Variants in TRAK1 observed in about 807,000 individuals in gnomAD.
The protein encoded by TRAK1 is trafficking kinesin protein 1, also known as trafficking kinesin-binding protein 1.
Under a neutral mutation model 92.1 loss-of-function variants are expected in TRAK1, and 33 were observed. The observed-to-expected ratio is 0.36, with a 90% CI of 0.27 to 0.48. TRAK1 has a LOEUF of 0.48. TRAK1 is among the 20% of genes least tolerant of loss of function. The probability of loss-of-function intolerance (pLI) is 0.99; values close to 1 mark genes in which losing one functional copy is unlikely to be tolerated. For synonymous variants in TRAK1, 521 were observed against 517.3 expected (o/e 1.01, Z -0.10); for missense variants, 1,123 against 1,257.9 (o/e 0.89, Z 1.62).
intron 1 of TRAK1, among the ~76,000 whole-genome samples, chr3:42,069,261 C>T (rs145565926): frequency 1.4e-3 from 203 of 149,546 alleles, no homozygotes; most frequent in African/African-American, 4.8e-3. Context: ...GTCAAGGCTG[C>T]AGTGAGACTT....
At chr3:42,119,165 A>G (rs1366671446) in intron 1 of TRAK1, among the ~76,000 whole-genome samples, 1 of 152,240 alleles carries the variant, frequency 6.6e-6, no homozygotes, top group East Asian at 1.9e-4. Flanking sequence ...CACAATTAGT[A>G]GGGAAGAGCC....
chr3:42,212,121 AG>A (rs1709116582), intron 14 of TRAK1: 1 of 985,460 alleles, frequency 1.0e-6, no homozygotes, highest in African/African-American at 1.7e-5. Flanking sequence ...CATATCGCTA[AG>A]TAAATCATCC....
intron 1 of TRAK1, among the ~76,000 whole-genome samples, chr3:42,016,987 C>T (rs1305530069): frequency 2.0e-5 from 3 of 152,260 alleles, no homozygotes; most frequent in Non-Finnish European, 1.5e-5. Context: ...CCACTGGCTG[C>T]GGTGGCTCAC....
chr3:42,052,196 A>T (rs1358125354), intron 1 of TRAK1, among the ~76,000 whole-genome samples: 1 of 152,196 alleles, frequency 6.6e-6, no homozygotes, highest in Non-Finnish European at 1.5e-5. Context: ...TATCTTAGGG[A>T]TTATGTGGCT....
At chr3:42,026,535 T>C (rs1701924790) in intron 1 of TRAK1, among the ~76,000 whole-genome samples, 1 of 151,424 alleles carries the variant, frequency 6.6e-6, no homozygotes, top group Non-Finnish European at 1.5e-5. Context: ...TTTTTTTTTT[T>C]TTTTTTTGAG....
chr3:42,156,613 A>G (rs1252173577), intron 2 of TRAK1, among the ~76,000 whole-genome samples: 1 of 152,264 alleles, frequency 6.6e-6, no homozygotes, highest in Non-Finnish European at 1.5e-5. Flanking sequence ...AGTTATTACA[A>G]TAAAAAGCCA....
intron 1 of TRAK1, among the ~76,000 whole-genome samples, chr3:42,115,990 C>T (rs1027651425): frequency 6.6e-6 from 1 of 152,374 alleles, no homozygotes; most frequent in African/African-American, 2.4e-5. Context: ...TCCCAATCCT[C>T]ATCCTGCACT....
At chr3:42,048,395 T>G (rs1322627328) in intron 1 of TRAK1, among the ~76,000 whole-genome samples, 1 of 152,188 alleles carries the variant, frequency 6.6e-6, no homozygotes, top group Non-Finnish European at 1.5e-5. Flanking sequence ...TCCATGTATG[T>G]GGTTTTAAAA....
chr3:42,187,007 C>A (rs114002713), intron 4 of TRAK1, among the ~76,000 whole-genome samples: 9 of 152,344 alleles, frequency 5.9e-5, no homozygotes, highest in African/African-American at 1.9e-4. Flanking sequence ...TTCTTCAGTA[C>A]TGCAGAGTGA....
intron 10 of TRAK1, among the ~76,000 whole-genome samples, chr3:42,196,971 C>G (rs886932185): frequency 1.6e-5 from 2 of 128,538 alleles, no homozygotes; most frequent in East Asian, 2.1e-4. Context: ...CTCTCTCTCT[C>G]TCTCTTTCTC....
At chr3:42,109,511 G>T (rs1171653829) in intron 1 of TRAK1, among the ~76,000 whole-genome samples, 2 of 152,210 alleles carry the variant, frequency 1.3e-5, no homozygotes, top group Non-Finnish European at 2.9e-5. Context: ...CTTGAGATGG[G>T]AAAGTCCATC....
intron 1 of TRAK1, among the ~76,000 whole-genome samples, chr3:42,113,914 A>G (rs912131656): frequency 6.6e-6 from 1 of 152,172 alleles, no homozygotes; most frequent in South Asian, 2.1e-4. Context: ...ATGTGCACCC[A>G]TAACCGTTTA....
intron 1 of TRAK1, among the ~76,000 whole-genome samples, chr3:42,041,706 A>G (rs1056142897): frequency 2.0e-5 from 3 of 150,584 alleles, no homozygotes; most frequent in Non-Finnish European, 4.4e-5. Context: ...TGAATCTTTC[A>G]CTGTTAAGTT....
intron 2 of TRAK1, among the ~76,000 whole-genome samples, chr3:42,140,841 G>A (rs1306763590): frequency 1.3e-5 from 2 of 152,204 alleles, no homozygotes; most frequent in Non-Finnish European, 2.9e-5. Context: ...GCATACAGGT[G>A]CCCTGACTAA....
upstream of TRAK1, chr3:42,086,956 A>G (rs985218043): frequency 2.6e-5 from 4 of 152,208 alleles, no homozygotes; most frequent in African/African-American, 7.2e-5. Flanking sequence ...AAACTAAGCA[A>G]TGTGATTGGA....
intron 1 of TRAK1, among the ~76,000 whole-genome samples, chr3:42,027,535 A>G (rs1487926348): frequency 1.3e-5 from 2 of 152,058 alleles, no homozygotes; most frequent in African/African-American, 2.4e-5. Flanking sequence ...AAAAAAAAAA[A>G]GTAAAGCTTT....
chr3:42,200,249 A>G (rs947951792), intron 11 of TRAK1, among the ~76,000 whole-genome samples: 1 of 152,204 alleles, frequency 6.6e-6, no homozygotes, highest in Non-Finnish European at 1.5e-5. Context: ...TTTCTCTTTA[A>G]AAGGGAACAA....
chr3:42,219,428 TG>T, intron 14 of TRAK1, 65 bp from the exon 15 acceptor site: 1 of 1,612,262 alleles, frequency 6.2e-7, no homozygotes, highest in Non-Finnish European at 8.5e-7. Flanking sequence ...AGTGACATGC[TG>T]GATTTTAATT....
At chr3:42,199,479 G>C (rs1328071169) in intron 11 of TRAK1, among the ~76,000 whole-genome samples, 1 of 151,948 alleles carries the variant, frequency 6.6e-6, no homozygotes, top group Non-Finnish European at 1.5e-5. Flanking sequence ...TTAGAGATGG[G>C]GTGTCTCACT....
Sources: gnomAD v4.1 joint callset for allele counts (sites outside exome capture counted in the v4.1 genomes callset) on GRCh38, gnomAD v4.1.1 for gene constraint, MANE v1.5 for transcripts, NCBI Gene and HGNC (gene_info 2026-07-23, HGNC 2026-07-21) for gene names.